Variants in ARID3B observed in about 807,000 individuals in gnomAD.
ARID3B encodes AT-rich interaction domain 3B.
In ARID3B, 10 loss-of-function variants were observed where a neutral mutation model predicts 51.9. The ratio of observed to expected loss-of-function variants is 0.19; its 90% CI spans 0.12 to 0.33. The LOEUF is 0.33. Ranked by LOEUF, ARID3B falls within the 10% of genes least tolerant of loss-of-function variation. The pLI is 1.00. For synonymous variants in ARID3B, 205 were observed against 279.5 expected (o/e 0.73, Z 2.66); for missense variants, 483 against 716.3 (o/e 0.67, Z 3.72).
intron 2 of ARID3B, among the ~76,000 whole-genome samples, chr15:74,546,454 C>T (rs74025813): frequency 0.042 from 6,407 of 152,134 alleles, 221 homozygotes; most frequent in African/African-American, 0.091. Context: ...GCTCCAGAGC[C>T]TGTCTGTCTT....
intron 4 of ARID3B, among the ~76,000 whole-genome samples, chr15:74,584,354 C>T (rs764349679): frequency 1.3e-5 from 2 of 152,238 alleles, no homozygotes; most frequent in Non-Finnish European, 2.9e-5. Flanking sequence ...CGCACATTCC[C>T]TGCTTAACAC....
chr15:74,593,067 C>T, intron 7 of ARID3B, 71 bp from the exon 8 acceptor site: 4 of 1,389,194 alleles, frequency 2.9e-6, no homozygotes, highest in Non-Finnish European at 4.0e-6. Context: ...GGTGGCCAGG[C>T]AGCATCAGAG....
At chr15:74,546,179 C>G (rs2061614908) in intron 2 of ARID3B, among the ~76,000 whole-genome samples, 1 of 152,226 alleles carries the variant, frequency 6.6e-6, no homozygotes. Flanking sequence ...ACAGCAGCAC[C>G]CTGGCCGCCA....
chr15:74,558,299 C>G (rs954763854), intron 2 of ARID3B, among the ~76,000 whole-genome samples: 1 of 146,616 alleles, frequency 6.8e-6, no homozygotes, highest in African/African-American at 2.5e-5. Flanking sequence ...GTATTTATAT[C>G]ATTCTCCTGC....
intron 2 of ARID3B, among the ~76,000 whole-genome samples, chr15:74,552,177 T>C (rs2061640129): frequency 1.4e-5 from 2 of 143,430 alleles, no homozygotes; most frequent in Non-Finnish European, 3.0e-5. Flanking sequence ...TTCTCCTGCC[T>C]CAGCCTCTCA....
rs117508475 is a variant in ARID3B, at chr15:74,568,822, C to T, written c.553-4040C>T. Among the ~76,000 whole-genome samples, 697 of 152,276 alleles carry T rather than the reference C, an allele frequency of 4.6e-3. 1 individual carries two copies. The highest frequency in any genetic ancestry group is 7.9e-3 in the Non-Finnish European group (540 of 68,024). ...GGCCACTCTGGCTACTGTTGACTTC[C>T]CACACACGTTTCTGGGCTATATAAT... On this transcript the variant is annotated intron_variant, in intron 2 of 8. Transcript: ENST00000346246.
intron 2 of ARID3B, among the ~76,000 whole-genome samples, chr15:74,559,086 G>A (rs1939900462): frequency 6.6e-6 from 1 of 152,072 alleles, no homozygotes; most frequent in African/African-American, 2.4e-5. Context: ...TTTCTGTTCT[G>A]GTTCCTGGCA....
intron 4 of ARID3B, among the ~76,000 whole-genome samples, chr15:74,582,535 G>T (rs1184637027): frequency 6.6e-6 from 1 of 152,148 alleles, no homozygotes; most frequent in Non-Finnish European, 1.5e-5. Context: ...CACCTAAAGA[G>T]ATTAGTCCAA....
chr15:74,559,558 G>A (rs2061671335), intron 2 of ARID3B, among the ~76,000 whole-genome samples: 1 of 152,086 alleles, frequency 6.6e-6, no homozygotes, highest in African/African-American at 2.4e-5. Context: ...TACAGATGAG[G>A]GAAAAGGTCA....
At chr15:74,575,903 G>C (rs1455648793) in intron 4 of ARID3B, among the ~76,000 whole-genome samples, 1 of 152,160 alleles carries the variant, frequency 6.6e-6, no homozygotes, top group Non-Finnish European at 1.5e-5. Context: ...GTAGGATTTT[G>C]TTTTTAATTT....
chr15:74,594,119 C>T (rs762394845), intron 8 of ARID3B, among the ~76,000 whole-genome samples: 4 of 151,886 alleles, frequency 2.6e-5, no homozygotes, highest in Non-Finnish European at 5.9e-5. Context: ...CATTGGTTTA[C>T]GGACGAGCTT....
chr15:74,591,586 C>G lies in ARID3B; in HGVS notation c.1192C>G (p.Pro398Ala). The part of the protein sequence containing the change: ...KGDGAPVTTV[P>A]VPNRLAVPVT... ...TGATGGAGCCCCAGTGACAACAGTGCCTGTGCCAAATCGTCTGGCTGTGCC... is the reference window on the plus strand; with the variant it reads ...TGATGGAGCCCCAGTGACAACAGTGGCTGTGCCAAATCGTCTGGCTGTGCC... Residue 398 changes from proline to alanine, a missense_variant, in exon 7 of 9, where the codon CCT (proline) becomes GCT (alanine). This residue lies in a region of ARID3B where 265 missense variants were observed against 354.4 expected (regional missense o/e 0.75). Coordinates refer to ENST00000346246, the MANE Select transcript of ARID3B (RefSeq NM_006465.4). The surrounding 1 kb of genome is among the most constrained non-coding windows in gnomAD (Gnocchi z 5.8). 1 of 1,610,888 alleles carries G rather than the reference C, an allele frequency of 6.2e-7. No homozygotes were observed. The highest frequency in any genetic ancestry group is 1.3e-5 in the African/African-American group (1 of 74,954).
rs1427212749 is a variant in ARID3B, at chr15:74,591,576, G to A, written c.1182G>A (p.Val394=). The A allele has an allele frequency of 6.2e-6, 10 of 1,610,954 alleles. No individual in the cohort carries two copies. The highest frequency in any genetic ancestry group is 2.7e-5 in the African/African-American group (2 of 74,842). ...TTLRKGDGAP[V]TTVPVPNRLA... The stretch of plus-strand genomic sequence containing the variant: ...CCTTTGCAGGTGATGGAGCCCCAGT[G>A]ACAACAGTGCCTGTGCCAAATCGTC... The change falls in exon 7 of 9, where the codon GTG becomes GTA. Residue 394 remains valine (V), a synonymous_variant. Transcript: ENST00000346246. The surrounding 1 kb of genome is among the most constrained non-coding windows in gnomAD (Gnocchi z 5.8).
intron 2 of ARID3B, among the ~76,000 whole-genome samples, chr15:74,545,628 G>GCA (rs2061612914): frequency 1.3e-5 from 2 of 152,202 alleles, no homozygotes; most frequent in Non-Finnish European, 2.9e-5. Context: ...CCCTGCAGAA[G>GCA]CACACACACT....
intron 2 of ARID3B, among the ~76,000 whole-genome samples, chr15:74,572,481 A>C (rs559924606): frequency 3.3e-5 from 5 of 152,340 alleles, no homozygotes; most frequent in Admixed American, 1.3e-4. Flanking sequence ...AGTCTGCAGG[A>C]AAGTGGTGCA....
chr15:74,566,398 G>C (rs1313118336), intron 2 of ARID3B, among the ~76,000 whole-genome samples: 1 of 152,002 alleles, frequency 6.6e-6, no homozygotes, highest in Non-Finnish European at 1.5e-5. Context: ...TCAGGAGTTT[G>C]AGACCAGCCT....
At chr15:74,577,788 C>A (rs1459035880) in intron 4 of ARID3B, among the ~76,000 whole-genome samples, 1 of 152,272 alleles carries the variant, frequency 6.6e-6, no homozygotes, top group Admixed American at 6.5e-5. Flanking sequence ...CTGCCTGAGC[C>A]TCCCAAAGTG....
intron 2 of ARID3B, among the ~76,000 whole-genome samples, chr15:74,549,476 A>C (rs1209822450): frequency 3.3e-5 from 5 of 151,960 alleles, no homozygotes; most frequent in Non-Finnish European, 7.4e-5. Flanking sequence ...CTGAGGCAGG[A>C]AAATCACTTG....
Position 74,591,966 on chromosome 15 carries a change from G to A in ARID3B, c.1420+152G>A, listed in dbSNP as rs1393470038. ...TGCCTTCCAGGCCCCTAGAAGAGAG[G>A]CACTGAGATCTTAGTTCACCAAGCT... On this transcript the variant is annotated intron_variant, in intron 7 of 8. Coordinates refer to ENST00000346246, the MANE Select transcript of ARID3B (RefSeq NM_006465.4). The surrounding 1 kb of genome is among the most constrained non-coding windows in gnomAD (Gnocchi z 5.8). The A allele has an allele frequency of 2.3e-6, 3 of 1,296,730 alleles. No homozygotes were observed. Among genetic ancestry groups the A allele is most frequent in the Non-Finnish European group, 3.1e-6 (3 of 959,192 alleles). 80.3% of individuals were successfully genotyped at this position (1,296,730 alleles called of 1,614,324 possible).
Sources: gnomAD v4.1 joint callset for allele counts (sites outside exome capture counted in the v4.1 genomes callset) on GRCh38, gnomAD v4.1.1 for gene constraint, gnomAD v4.1.1 regional missense constraint, Gnocchi (gnomAD v3.1) non-coding constraint, MANE v1.5 for transcripts, NCBI Gene and HGNC (gene_info 2026-07-23, HGNC 2026-07-21) for gene names.